The following DMD variants were observed in gnomAD, a reference collection of about 807,000 sequenced individuals.
DMD encodes mutant dystrophin.
A neutral mutation model predicts 330.1 loss-of-function variants in DMD; 63 were observed. The ratio of observed to expected loss-of-function variants is 0.19; its 90% confidence interval spans 0.16 to 0.24. DMD has a LOEUF of 0.24. DMD is among the 10% of genes least tolerant of loss of function. The pLI is 1.00. For synonymous variants in DMD, 1,223 were observed against 959.8 expected, an observed-to-expected ratio of 1.27 and a Z score of -5.07; for missense variants, 3,344 against 2,684.1, an observed-to-expected ratio of 1.25 and a Z score of -5.43.
intron 9 of DMD, among the ~76,000 whole-genome samples, chrX:32,670,479 T>A (rs777911404): frequency 8.9e-6 from 1 of 111,985 alleles, no homozygotes; most frequent in Non-Finnish European, 1.9e-5. Flanking sequence ...GACCCTTCAG[T>A]AAGTCTTAAT....
chrX:32,273,808 C>A (rs758120671), intron 43 of DMD, among the ~76,000 whole-genome samples: 3 of 111,888 alleles, frequency 2.7e-5, no homozygotes, highest in African/African-American at 9.7e-5. Flanking sequence ...CAGAAATGAG[C>A]GGGGCCAACA....
intron 44 of DMD, among the ~76,000 whole-genome samples, chrX:32,010,921 A>G (rs556404620): frequency 2.7e-5 from 3 of 112,294 alleles, no homozygotes; most frequent in African/African-American, 6.5e-5. Flanking sequence ...ATGAACAACT[A>G]AAAAACCCCA....
At position 32,532,628 on chromosome X, in the gene DMD, A is replaced by C. The variant is rs113044993; in HGVS notation, c.2168+12531T>G. Among the ~76,000 whole-genome samples, 415 of 112,559 alleles carry C rather than the reference A, an allele frequency of 3.7e-3. 2 individuals are homozygous for C. Among genetic ancestry groups the C allele is most frequent in the African/African-American group, 0.011 (348 of 30,970 alleles). ...TGAAATACATTAATATGTAGCAAAT[A>C]CTTGGTAGAAGCCATATACATATTA... On this transcript the variant is annotated intron_variant, in intron 17 of 78. Transcript: ENST00000357033.
intron 23 of DMD, among the ~76,000 whole-genome samples, chrX:32,464,912 A>C (rs185308677): frequency 6.0e-4 from 67 of 112,117 alleles, no homozygotes; most frequent in African/African-American, 2.2e-3. Flanking sequence ...TATTGTTAAA[A>C]ATACAAAATT....
chrX:32,083,784 A>G (rs2096411287), intron 44 of DMD, among the ~76,000 whole-genome samples: 1 of 112,470 alleles, frequency 8.9e-6, no homozygotes, highest in Non-Finnish European at 1.9e-5. Context: ...TTTCATTTAC[A>G]ACTTCTGCCT....
At chrX:31,945,211 AT>A (rs1269721914) in intron 45 of DMD, among the ~76,000 whole-genome samples, 1 of 112,330 alleles carries the variant, frequency 8.9e-6, no homozygotes, top group Non-Finnish European at 1.9e-5. Context: ...AACTTACTGT[AT>A]TTTATCAACA....
At chrX:31,283,526 A>G (rs2052786212) in intron 62 of DMD, among the ~76,000 whole-genome samples, 1 of 111,584 alleles carries the variant, frequency 9.0e-6, no homozygotes, top group African/African-American at 3.3e-5. Context: ...ATTAATTATA[A>G]AAGTTTTATA....
chrX:33,282,685 C>A (rs2053355271), intron 1 of DMD, among the ~76,000 whole-genome samples: 1 of 111,958 alleles, frequency 8.9e-6, no homozygotes, highest in South Asian at 3.7e-4. Flanking sequence ...GAGGCACTTA[C>A]CCTAGCTGCT....
intron 62 of DMD, among the ~76,000 whole-genome samples, chrX:31,266,368 T>C (rs942255179): frequency 1.8e-5 from 2 of 111,436 alleles, no homozygotes; most frequent in African/African-American, 6.6e-5. Flanking sequence ...TTTTGGCACT[T>C]GCAGTGCAAT....
At chrX:32,049,004 C>A (rs999397463) in intron 44 of DMD, among the ~76,000 whole-genome samples, 1 of 111,003 alleles carries the variant, frequency 9.0e-6, no homozygotes, top group African/African-American at 3.3e-5. Flanking sequence ...CAGTAGACTG[C>A]GGGATACTTG....
Position 33,076,286 on chromosome X carries a change from G to A in DMD, c.32-56086C>T, listed in dbSNP as rs746833441. ...CAAATGCTCAGGGAGACTGATTTGA[G>A]TAATAATAAAACTCCAGTCTCCCAT... is the stretch of plus-strand genomic sequence containing the variant. On this transcript the variant is annotated intron_variant, in intron 1 of 78. Coordinates refer to ENST00000357033, the MANE Select transcript of DMD (RefSeq NM_004006.3). Among the ~76,000 whole-genome samples, 789 of 111,661 alleles carry A rather than the reference G, an allele frequency of 7.1e-3. 7 individuals are homozygous for A. Among genetic ancestry groups the A allele is most frequent in the African/African-American group, 0.025 (767 of 30,718 alleles).
intron 52 of DMD, among the ~76,000 whole-genome samples, chrX:31,689,986 C>T (rs1446518505): frequency 8.9e-6 from 1 of 112,091 alleles, no homozygotes; most frequent in Non-Finnish European, 1.9e-5. Flanking sequence ...GGATTGAAGA[C>T]TTAATGTTAG....
chrX:31,908,660 T>TACACGCATACC (rs1223302408), intron 47 of DMD, among the ~76,000 whole-genome samples: 1 of 110,690 alleles, frequency 9.0e-6, no homozygotes, highest in African/African-American at 3.3e-5. Flanking sequence ...GGCCCACGCA[T>TACACGCATACC]ACCTATGTAA....
chrX:33,251,213 T>C (rs1326833828), intron 1 of DMD, among the ~76,000 whole-genome samples: 1 of 112,053 alleles, frequency 8.9e-6, no homozygotes, highest in Admixed American at 9.6e-5. Context: ...CACAGAAACA[T>C]AGAAACTGAC....
intron 51 of DMD, among the ~76,000 whole-genome samples, chrX:31,738,261 G>C (rs112276331): frequency 1.2e-4 from 13 of 112,269 alleles, no homozygotes; most frequent in African/African-American, 3.2e-4. Context: ...CAAGTAATTA[G>C]AGACTTGTGG....
chrX:32,062,917 G>GA (rs11418420), intron 44 of DMD, among the ~76,000 whole-genome samples: 13,061 of 105,873 alleles, frequency 0.12, 866 homozygotes, highest in African/African-American at 0.24. Context: ...TTATTGAAAG[G>GA]AAAAAAAAAC....
At chrX:31,651,821 CTT>C (rs1235804389) in intron 54 of DMD, among the ~76,000 whole-genome samples, 1 of 111,793 alleles carries the variant, frequency 8.9e-6, no homozygotes. Context: ...ACAGTCATCT[CTT>C]GACTGAATTA....
At chrX:31,347,700 G>A (rs2058175390) in intron 61 of DMD, among the ~76,000 whole-genome samples, 2 of 112,440 alleles carry the variant, frequency 1.8e-5, no homozygotes, top group Admixed American at 1.9e-4. Context: ...TGCAAGTGCA[G>A]GTACCCTTTT....
chrX:32,847,366 T>TA (rs1414720147), intron 3 of DMD, among the ~76,000 whole-genome samples: 2 of 112,115 alleles, frequency 1.8e-5, no homozygotes, highest in Non-Finnish European at 3.8e-5. Flanking sequence ...GAGTATTTCT[T>TA]ATTTTATGAT....
Sources: allele counts gnomAD v4.1 joint callset (sites outside exome capture counted in the v4.1 genomes callset), GRCh38; gene constraint gnomAD v4.1.1; transcripts MANE v1.5; gene names NCBI Gene and HGNC (gene_info 2026-07-23, HGNC 2026-07-21).